The following GIGYF2 variants were observed in gnomAD, a reference collection of about 807,000 sequenced individuals.
The protein encoded by GIGYF2 is GRB10-interacting GYF protein 2.
In GIGYF2, 25 loss-of-function variants were observed where a neutral mutation model predicts 208.1. The observed-to-expected ratio is 0.12, with a 90% CI of 0.09 to 0.17. The LOEUF (loss-of-function observed/expected upper bound fraction) is 0.17, where lower values mean the gene tolerates loss of function less well. GIGYF2 is among the 10% of genes least tolerant of loss of function. The pLI is 1.00. For synonymous variants in GIGYF2, 534 were observed against 543.8 expected (o/e 0.98, Z 0.25); for missense variants, 1,302 against 1,579.4 (o/e 0.82, Z 2.98).
intron 5 of GIGYF2, among the ~76,000 whole-genome samples, chr2:232,753,781 G>A (rs375557555): frequency 1.3e-5 from 2 of 152,132 alleles, no homozygotes; most frequent in South Asian, 4.1e-4. Context: ...TGGCCTCTCC[G>A]TGTTCCTAAT....
intron 1 of GIGYF2, among the ~76,000 whole-genome samples, chr2:232,698,676 TACATC>T (rs2106235734): frequency 6.6e-6 from 1 of 152,368 alleles, no homozygotes; most frequent in South Asian, 2.1e-4. Flanking sequence ...ACTTGGCTTT[TACATC>T]AGATGTTGAC....
chr2:232,831,802 C>T (rs897133033), intron 21 of GIGYF2, among the ~76,000 whole-genome samples: 1 of 152,154 alleles, frequency 6.6e-6, no homozygotes, highest in Non-Finnish European at 1.5e-5. Flanking sequence ...CAACCTGTAT[C>T]CAGACAGGAA....
chr2:232,742,867 G>A (rs576095840), intron 3 of GIGYF2, among the ~76,000 whole-genome samples: 4 of 152,138 alleles, frequency 2.6e-5, no homozygotes, highest in Non-Finnish European at 5.9e-5. Context: ...AAGTTGATGA[G>A]TAGGGTTAGG....
Position 232,812,443 on chromosome 2 carries a change from G to C in GIGYF2, c.2059G>C (p.Asp687His). 6.4e-7 allele frequency: 1 copy of C among 1,563,824 alleles called. No homozygotes were observed. The highest frequency in any genetic ancestry group is 8.8e-7 in the Non-Finnish European group (1 of 1,134,658). Residue 687 changes from aspartate (D) to histidine (H), a missense_variant, in exon 18 of 29, where the codon GAT becomes CAT. Physicochemically the swap from Asp to His is moderately conservative, Grantham distance 81. Transcript: ENST00000373563. Reference protein sequence around the residue: ...PSVTRSVSVPDTGSIWELQPT... With the variant: ...PSVTRSVSVPHTGSIWELQPT... ...AGTAACTAGGTCTGTGTCCGTGCCA[G>C]ATACTGGCTCTATCTGGGAGCTTCA...
At chr2:232,768,193 A>T (rs1201705876) in intron 8 of GIGYF2, 1 of 1,614,058 alleles carries the variant, frequency 6.2e-7, no homozygotes, top group Non-Finnish European at 8.5e-7. Flanking sequence ...GATAAGTCTT[A>T]TTCTGTCAGT....
At chr2:232,803,171 G>A (rs956547005) in intron 14 of GIGYF2, among the ~76,000 whole-genome samples, 2 of 152,212 alleles carry the variant, frequency 1.3e-5, no homozygotes, top group African/African-American at 4.8e-5. Flanking sequence ...GATTACTGGC[G>A]TGAGCCACTG....
chr2:232,770,650 A>G (rs1305288729), intron 8 of GIGYF2, among the ~76,000 whole-genome samples: 2 of 151,862 alleles, frequency 1.3e-5, no homozygotes, highest in African/African-American at 4.8e-5. Context: ...ATTTAGTATC[A>G]TACTGATCTC....
chr2:232,809,765 G>T lies in GIGYF2; in HGVS notation c.1852G>T (p.Ala618Ser), dbSNP rs1700675005. 1.2e-6 allele frequency: 2 copies of T among 1,611,988 alleles called. No individual in the cohort carries two copies. The highest frequency in any genetic ancestry group is 8.5e-7 in the Non-Finnish European group (1 of 1,178,016). ...ERLTRQQELTALYQMQHLQYQ... is the reference protein window; with the variant it reads ...ERLTRQQELTSLYQMQHLQYQ... ...ACTGACCAGGCAGCAAGAACTCACA[G>T]CCTTATACCAGATGCAGCACCTGCA... The change falls in exon 16 of 29, where the codon GCC (alanine) becomes TCC (serine). Residue 618 changes from alanine (A) to serine (S), a missense_variant. Coordinates refer to ENST00000373563, the MANE Select transcript of GIGYF2 (RefSeq NM_001103146.3).
intron 8 of GIGYF2, chr2:232,766,548 G>A (rs1463131845): frequency 2.0e-5 from 3 of 152,482 alleles, no homozygotes; most frequent in African/African-American, 7.2e-5. Context: ...CTGTCTTTAT[G>A]TGTTACAATA....
chr2:232,790,915 A>G lies in GIGYF2; in HGVS notation c.930A>G (p.Lys310=), dbSNP rs1700051467. Residue 310 remains lysine (K), a splice_region_variant and synonymous_variant, in exon 10 of 29, where the codon AAA becomes AAG. Transcript: ENST00000373563. The part of the protein sequence containing the change: ...FDSSGAFLSL[K]KVQKEPIPEE... ...CATCTGGAGCATTCCTTTCTCTAAA[A>G]GTAAGAAACGTGTTTTAAATGTCAT... 6.2e-7 allele frequency: 1 copy of G among 1,613,734 alleles called. No homozygotes were observed. Among genetic ancestry groups the G allele is most frequent in the African/African-American group, 1.3e-5 (1 of 74,908 alleles).
chr2:232,741,956 T>TC (rs138621920), intron 3 of GIGYF2, among the ~76,000 whole-genome samples: 2 of 152,154 alleles, frequency 1.3e-5, no homozygotes, highest in Non-Finnish European at 2.9e-5. Flanking sequence ...ATTCTCTTTT[T>TC]CCCTCCCTTC....
chr2:232,798,346 A>G (rs188420163), intron 14 of GIGYF2, among the ~76,000 whole-genome samples: 3 of 152,248 alleles, frequency 2.0e-5, no homozygotes, highest in Non-Finnish European at 2.9e-5. Flanking sequence ...TTTTGGGGCT[A>G]TAATGAATAA....
chr2:232,776,730 A>T (rs1699530584), intron 8 of GIGYF2: 1 of 433,080 alleles, frequency 2.3e-6, no homozygotes, highest in East Asian at 3.8e-5. Context: ...ACAAACCTTA[A>T]CAACTCTGGA....
intron 2 of GIGYF2, among the ~76,000 whole-genome samples, chr2:232,723,422 C>G (rs1574797133): frequency 7.0e-6 from 1 of 143,684 alleles, no homozygotes; most frequent in African/African-American, 2.6e-5. Context: ...AGCTAAGATT[C>G]TTTTCTTTTC....
In GIGYF2 at chr2:232,715,069, A is replaced by T. The variant is rs201521087; in HGVS notation, c.-44+11580A>T. Among the ~76,000 whole-genome samples the T allele has an allele frequency of 3.2e-4, 49 of 152,312 alleles. No homozygotes were observed. The East Asian group carries it at 9.4e-3, about 29-fold the overall frequency. ...CTGTTCCTGCATTGGTTTGCTAAGG[A>T]TAATGGTCTTCAGTTCCATCCATGT... On this transcript the variant is annotated intron_variant, in intron 2 of 28. Transcript: ENST00000373563.
At chr2:232,728,364 G>A (rs1697303476) in intron 2 of GIGYF2, among the ~76,000 whole-genome samples, 1 of 152,194 alleles carries the variant, frequency 6.6e-6, no homozygotes, top group Non-Finnish European at 1.5e-5. Context: ...TTGAGGCCCA[G>A]TCAGGGAAGC....
chr2:232,794,124 C>G (rs1186174801), intron 12 of GIGYF2, among the ~76,000 whole-genome samples: 1 of 152,120 alleles, frequency 6.6e-6, no homozygotes, highest in African/African-American at 2.4e-5. Context: ...GCGATTATAC[C>G]TAATTACTTC....
chr2:232,707,979 T>G (rs75914229), intron 2 of GIGYF2, among the ~76,000 whole-genome samples: 1 of 151,972 alleles, frequency 6.6e-6, no homozygotes, highest in Non-Finnish European at 1.5e-5. Context: ...ATATTTTTTT[T>G]GAGACAAGGT....
intron 8 of GIGYF2, among the ~76,000 whole-genome samples, chr2:232,775,410 T>C (rs1185361208): frequency 6.6e-6 from 1 of 152,210 alleles, no homozygotes; most frequent in Non-Finnish European, 1.5e-5. Context: ...CAAACATATT[T>C]CCACTTCCTA....
Sources: allele counts gnomAD v4.1 joint callset (sites outside exome capture counted in the v4.1 genomes callset), GRCh38; gene constraint gnomAD v4.1.1; transcripts MANE v1.5; gene names NCBI Gene and HGNC (gene_info 2026-07-23, HGNC 2026-07-21).